Variants in TMEM132D observed in about 807,000 individuals in gnomAD.
The protein encoded by TMEM132D is transmembrane protein 132D, also known as mature OL transmembrane protein.
A neutral mutation model predicts 62.3 loss-of-function variants in TMEM132D; 21 were observed. That is an observed-to-expected ratio of 0.34 (90% CI 0.24 to 0.49). The LOEUF (loss-of-function observed/expected upper bound fraction) is 0.49, where lower values mean the gene tolerates loss of function less well. Ranked by LOEUF, TMEM132D falls within the 20% of genes least tolerant of loss-of-function variation. The probability of loss-of-function intolerance (pLI) is 0.99; values close to 1 mark genes in which losing one functional copy is unlikely to be tolerated. For synonymous variants in TMEM132D, 621 were observed against 575.6 expected, an observed-to-expected ratio of 1.08 and a Z score of -1.13; for missense variants, 1,346 against 1,402.8, an observed-to-expected ratio of 0.96 and a Z score of 0.65.
At chr12:129,347,122 G>A (rs878958400) in intron 3 of TMEM132D, among the ~76,000 whole-genome samples, 1 of 152,120 alleles carries the variant, frequency 6.6e-6, no homozygotes, top group Admixed American at 6.5e-5. Context: ...CGTGAAAATG[G>A]CCATGCTGCC....
At chr12:129,806,687 G>C (rs1387856526) in intron 1 of TMEM132D, among the ~76,000 whole-genome samples, 1 of 151,386 alleles carries the variant, frequency 6.6e-6, no homozygotes, top group Non-Finnish European at 1.5e-5. Context: ...AAAACTTAAA[G>C]CATAATAATA....
chr12:129,461,621 A>G (rs1873675637), intron 3 of TMEM132D, among the ~76,000 whole-genome samples: 2 of 151,944 alleles, frequency 1.3e-5, no homozygotes, highest in South Asian at 4.2e-4. Flanking sequence ...AGAGAAGCTG[A>G]ACATATGAGT....
intron 4 of TMEM132D, among the ~76,000 whole-genome samples, chr12:129,314,087 G>T (rs1363088737): frequency 1.3e-5 from 2 of 152,060 alleles, no homozygotes; most frequent in Admixed American, 6.5e-5. Context: ...TGAGTTTGTT[G>T]TAGATTCTGG....
intron 1 of TMEM132D, among the ~76,000 whole-genome samples, chr12:129,721,472 G>A (rs1159048437): frequency 6.6e-6 from 1 of 152,198 alleles, no homozygotes; most frequent in Non-Finnish European, 1.5e-5. Flanking sequence ...GAACGGGGAA[G>A]CTTCACCAAT....
intron 4 of TMEM132D, among the ~76,000 whole-genome samples, chr12:129,270,433 G>A (rs565035555): frequency 2.6e-5 from 4 of 152,274 alleles, no homozygotes; most frequent in East Asian, 3.9e-4. Flanking sequence ...TGACTGTATC[G>A]TTATACAGGA....
At chr12:129,724,776 G>C (rs1868969891) in intron 1 of TMEM132D, among the ~76,000 whole-genome samples, 1 of 152,156 alleles carries the variant, frequency 6.6e-6, no homozygotes, top group East Asian at 1.9e-4. Flanking sequence ...GCCTGCCTTG[G>C]CCTCCTAAAG....
chr12:129,676,635 T>G (rs1034414006), intron 2 of TMEM132D, among the ~76,000 whole-genome samples: 4 of 152,132 alleles, frequency 2.6e-5, no homozygotes, highest in African/African-American at 9.7e-5. Context: ...GAGAACTCAC[T>G]TATTACTGCG....
chr12:129,380,081 A>G (rs1397854776), intron 3 of TMEM132D, among the ~76,000 whole-genome samples: 1 of 152,214 alleles, frequency 6.6e-6, no homozygotes. Flanking sequence ...TTGAAATGAC[A>G]TAACTTTTGT....
Position 129,074,750 on chromosome 12 carries a change from T to C in TMEM132D, c.2425A>G (p.Ser809Gly). The C allele has an allele frequency of 6.2e-7, 1 of 1,614,208 alleles. No homozygotes were observed. The highest frequency in any genetic ancestry group is 2.2e-5 in the East Asian group (1 of 44,882). The part of the protein sequence containing the change: ...QNDANPNTSD[S>G]RHTGAGVHME... Reference sequence around the variant, plus strand: ...TGAACCCCTGCCCCTGTGTGTCTGCTGTCACTGGTGTTGGGGTTAGCATCG... The same window carrying C: ...TGAACCCCTGCCCCTGTGTGTCTGCCGTCACTGGTGTTGGGGTTAGCATCG... Residue 809 changes from serine (S) to glycine (G), a missense_variant, in exon 9 of 9, where the codon AGC (serine) becomes GGC (glycine). By Grantham distance (56) the Ser-to-Gly change is moderately conservative. Transcript: ENST00000422113.
chr12:129,077,603 ACAC>A (rs1874307034), intron 8 of TMEM132D, among the ~76,000 whole-genome samples: 2 of 152,048 alleles, frequency 1.3e-5, no homozygotes, highest in Non-Finnish European at 2.9e-5. Flanking sequence ...CACCTATACA[ACAC>A]AAGCATACAC....
intron 3 of TMEM132D, among the ~76,000 whole-genome samples, chr12:129,355,708 C>T (rs1053840514): frequency 7.9e-5 from 12 of 152,104 alleles, no homozygotes; most frequent in African/African-American, 2.2e-4. Context: ...TTTAAAAAGC[C>T]GTTCCCGTGT....
intron 1 of TMEM132D, among the ~76,000 whole-genome samples, chr12:129,884,073 G>C (rs990139212): frequency 1.3e-5 from 2 of 152,118 alleles, no homozygotes; most frequent in African/African-American, 4.8e-5. Flanking sequence ...CTAGGACCAT[G>C]GGCATACACC....
intron 4 of TMEM132D, among the ~76,000 whole-genome samples, chr12:129,253,307 G>T (rs911203127): frequency 6.6e-6 from 1 of 151,908 alleles, no homozygotes; most frequent in Non-Finnish European, 1.5e-5. Flanking sequence ...GAATCATGTG[G>T]CCAAATGACT....
chr12:129,457,986 T>C (rs568525417), intron 3 of TMEM132D, among the ~76,000 whole-genome samples: 1 of 152,316 alleles, frequency 6.6e-6, no homozygotes, highest in East Asian at 1.9e-4. Flanking sequence ...GGACAGAAGC[T>C]GTGCTTCTCC....
At chr12:129,463,147 T>A (rs1873738380) in intron 3 of TMEM132D, among the ~76,000 whole-genome samples, 1 of 152,238 alleles carries the variant, frequency 6.6e-6, no homozygotes, top group South Asian at 2.1e-4. Context: ...CTGTCCAGAA[T>A]CAAACTCTGC....
At chr12:129,727,734 A>T (rs1869088366) in intron 1 of TMEM132D, among the ~76,000 whole-genome samples, 1 of 152,158 alleles carries the variant, frequency 6.6e-6, no homozygotes, top group Non-Finnish European at 1.5e-5. Context: ...CAAATTAATG[A>T]TTCAAATGTG....
rs202115409 is a variant in TMEM132D, at chr12:129,078,594, T to C, written c.2055A>G (p.Gly685=). The change falls in exon 8 of 9, where the codon GGA becomes GGG. Residue 685 remains glycine (G), a synonymous_variant. Coordinates refer to ENST00000422113, the MANE Select transcript of TMEM132D (RefSeq NM_133448.3). ...CAGTGGCAAAGATGGCCCTGTTGCT[T>C]CCTGGGCTGAGCTGCAAGGAGAGTG... ...GLSLSLQLSP[G]SNRAIFATAV... 149 of 1,614,140 alleles carry C rather than the reference T, an allele frequency of 9.2e-5. No homozygotes were observed. The Admixed American group carries it at 2.4e-3, about 26-fold the overall frequency.
intron 3 of TMEM132D, among the ~76,000 whole-genome samples, chr12:129,457,528 A>C (rs1406185165): frequency 6.6e-6 from 1 of 151,576 alleles, no homozygotes; most frequent in Admixed American, 6.6e-5. Flanking sequence ...CCAACATGGC[A>C]CATGTATACA....
chr12:129,090,182 C>T (rs1874861726), intron 5 of TMEM132D, among the ~76,000 whole-genome samples: 3 of 152,274 alleles, frequency 2.0e-5, no homozygotes, highest in Middle Eastern at 6.8e-3. Flanking sequence ...CAGTATCTGC[C>T]ACCAACAAAA....
Sources: allele counts gnomAD v4.1 joint callset (sites outside exome capture counted in the v4.1 genomes callset), GRCh38; gene constraint gnomAD v4.1.1; transcripts MANE v1.5; gene names NCBI Gene and HGNC (gene_info 2026-07-23, HGNC 2026-07-21).